The following MROH1 variants were observed in gnomAD, a reference collection of about 807,000 sequenced individuals.
MROH1 encodes maestro heat-like repeat-containing protein family member 1.
In MROH1, 117 loss-of-function variants were observed where a neutral mutation model predicts 116.5. The ratio of observed to expected loss-of-function variants is 1.00; its 90% CI spans 0.86 to 1.17. The LOEUF (loss-of-function observed/expected upper bound fraction) is 1.17, where lower values mean the gene tolerates loss of function less well. Ranked by LOEUF, MROH1 falls within the 50% of genes most tolerant of loss-of-function variation. The probability of loss-of-function intolerance (pLI) is 0.00; values close to 1 mark genes in which losing one functional copy is unlikely to be tolerated. For missense variants in MROH1, 1,873 were observed against 1,338.5 expected, an observed-to-expected ratio of 1.40 and a Z score of -6.23; for synonymous variants, 921 against 583.9, an observed-to-expected ratio of 1.58 and a Z score of -8.32.
intron 10 of MROH1, 151 bp from the exon 11 acceptor site, chr8:144,198,971 G>A (rs1189645367): frequency 2.9e-6 from 2 of 688,644 alleles, no homozygotes; most frequent in Non-Finnish European, 5.1e-6. Context: ...GCTTGGGTGA[G>A]AAAGAGCCTG....
Position 144,256,930 on chromosome 8 carries a change from A to G in MROH1, c.3791+1225A>G, listed in dbSNP as rs1843953795. On this transcript the variant is annotated intron_variant, in intron 35 of 43. Coordinates refer to ENST00000326134, the MANE Select transcript of MROH1 (RefSeq NM_032450.3). ...CCTTGCAGGGCTCGAGGCCTGGAGCAGGGTGTGGAGCTGGAGGCAGAGCTG... is the reference window on the plus strand; with the variant it reads ...CCTTGCAGGGCTCGAGGCCTGGAGCGGGGTGTGGAGCTGGAGGCAGAGCTG... Among the ~76,000 whole-genome samples the G allele has an allele frequency of 3.3e-5, 5 of 152,346 alleles. No individual in the cohort carries two copies. In the South Asian group the frequency reaches 1.0e-3, roughly 32 times the overall value.
intron 14 of MROH1, among the ~76,000 whole-genome samples, chr8:144,226,103 C>T (rs1349737306): frequency 6.6e-6 from 1 of 150,884 alleles, no homozygotes; most frequent in East Asian, 2.0e-4. Flanking sequence ...TTAGTAGAGA[C>T]AGGGTTTCAC....
At chr8:144,157,783 TCCTTCCA>T (rs1428622941) in intron 1 of MROH1, among the ~76,000 whole-genome samples, 4 of 150,446 alleles carry the variant, frequency 2.7e-5, no homozygotes, top group African/African-American at 9.8e-5. Context: ...GCTCACGTGG[TCCTTCCA>T]CCTCAGCCTC....
At chr8:144,257,070 A>G (rs991172985) in intron 35 of MROH1, among the ~76,000 whole-genome samples, 22 of 152,234 alleles carry the variant, frequency 1.4e-4, no homozygotes, top group African/African-American at 5.3e-4. Flanking sequence ...CCTGGCCTGT[A>G]TGTGTCAAGG....
At chr8:144,236,074 C>G (rs1839988896) in intron 14 of MROH1, among the ~76,000 whole-genome samples, 1 of 152,230 alleles carries the variant, frequency 6.6e-6, no homozygotes. Flanking sequence ...GTATAGGGTA[C>G]AGCCCAGACA....
chr8:144,258,924 C>A lies in MROH1; in HGVS notation c.3929+10C>A, dbSNP rs1588554860. 2 of 733,682 alleles carry A rather than the reference C, an allele frequency of 2.7e-6. No individual in the cohort carries two copies. The highest frequency in any genetic ancestry group is 5.1e-6 in the Non-Finnish European group (2 of 395,164). 45.4% of individuals were successfully genotyped at this position (733,682 alleles called of 1,614,324 possible). On this transcript the variant is annotated intron_variant, in intron 36 of 43. Transcript: ENST00000326134. ...CCACCAGGTTGGCCAGGTGAGCGGG[C>A]CCAGCCCACTGCAGCTCCAGCACTG...
rs1263071842 is a variant in MROH1, at chr8:144,248,979, G to A, written c.3223G>A (p.Val1075Ile). The change falls in exon 32 of 44, where the codon GTC (valine) becomes ATC (isoleucine). Residue 1075 changes from valine (V) to isoleucine (I), a missense_variant. Coordinates refer to ENST00000326134, the MANE Select transcript of MROH1 (RefSeq NM_032450.3). ...AAAGAACTGCTCCCGAGCAGCTACCGTCATGATCAACTGCCTGCTGCAGGA... is the reference window on the plus strand; with the variant it reads ...AAAGAACTGCTCCCGAGCAGCTACCATCATGATCAACTGCCTGCTGCAGGA... ...PEKNCSRAAT[V>I]MINCLLQERG... 4 of 734,578 alleles carry A rather than the reference G, an allele frequency of 5.4e-6. No homozygotes were observed. The highest frequency in any genetic ancestry group is 1.7e-5 in the African/African-American group (1 of 57,456). 45.5% of individuals were successfully genotyped at this position (734,578 alleles called of 1,614,324 possible). A position where few individuals can be genotyped will look rare whatever the true frequency, so the allele number is the denominator to read the frequency against.
rs1404984497 is a variant in MROH1, at chr8:144,215,842, C to T, written c.1142-4758C>T. On this transcript the variant is annotated intron_variant, in intron 12 of 43. Coordinates refer to ENST00000326134, the MANE Select transcript of MROH1 (RefSeq NM_032450.3). ...GAGCCAAGATTGTGCCATTGCACTCCAGCCTGGGTGATAGAGCGAGACTCT... is the reference window on the plus strand; with the variant it reads ...GAGCCAAGATTGTGCCATTGCACTCTAGCCTGGGTGATAGAGCGAGACTCT... Among the ~76,000 whole-genome samples the T allele has an allele frequency of 2.7e-5, 4 of 147,726 alleles. No homozygotes were observed. In the East Asian group the frequency reaches 8.1e-4, roughly 30 times the overall value.
intron 32 of MROH1, among the ~76,000 whole-genome samples, chr8:144,249,302 G>A (rs964792325): frequency 2.6e-5 from 4 of 151,662 alleles, no homozygotes; most frequent in Admixed American, 6.6e-5. Flanking sequence ...AACAAGTGCT[G>A]AGAGAATAAG....
At chr8:144,225,403 G>C (rs556951694) in intron 14 of MROH1, among the ~76,000 whole-genome samples, 20 of 152,220 alleles carry the variant, frequency 1.3e-4, no homozygotes, top group Admixed American at 4.6e-4. Flanking sequence ...TCTTGGCCTT[G>C]AGTGATTTGC....
Position 144,248,993 on chromosome 8 carries a change from C to T in MROH1, c.3237C>T (p.Cys1079=). 4.1e-6 allele frequency: 3 copies of T among 727,146 alleles called. No individual in the cohort carries two copies. The highest frequency in any genetic ancestry group is 1.5e-5 in the South Asian group (1 of 68,242). 45.0% of individuals were successfully genotyped at this position (727,146 alleles called of 1,614,324 possible). A position where few individuals can be genotyped will look rare whatever the true frequency, so the allele number is the denominator to read the frequency against. Residue 1079 remains cysteine (C), a synonymous_variant, in exon 32 of 44, where the codon TGC becomes TGT. Coordinates refer to ENST00000326134, the MANE Select transcript of MROH1 (RefSeq NM_032450.3). The part of the protein sequence containing the change: ...CSRAATVMIN[C]LLQERGGVLQ... ...GAGCAGCTACCGTCATGATCAACTGCCTGCTGCAGGAGCGGGGCGGTGTGC... is the reference window on the plus strand; with the variant it reads ...GAGCAGCTACCGTCATGATCAACTGTCTGCTGCAGGAGCGGGGCGGTGTGC...
intron 12 of MROH1, among the ~76,000 whole-genome samples, chr8:144,207,825 T>G (rs995165334): frequency 6.6e-6 from 1 of 152,236 alleles, no homozygotes; most frequent in African/African-American, 2.4e-5. Context: ...AAGATATTCT[T>G]CTATATTTTC....
intron 12 of MROH1, among the ~76,000 whole-genome samples, chr8:144,210,040 C>T (rs566981095): frequency 6.6e-6 from 1 of 152,196 alleles, no homozygotes; most frequent in African/African-American, 2.4e-5. Flanking sequence ...CGAGACGCCC[C>T]TCCTTGCATC....
intron 12 of MROH1, among the ~76,000 whole-genome samples, chr8:144,210,684 GTCTCTCTCTC>G (rs58517848): frequency 2.0e-5 from 3 of 151,406 alleles, no homozygotes; most frequent in South Asian, 2.1e-4. Flanking sequence ...TGGAGACTCT[GTCTCTCTCTC>G]TCTCTCTATC....
chr8:144,234,889 TTC>T (rs1394703985), intron 14 of MROH1, among the ~76,000 whole-genome samples: 6 of 108,534 alleles, frequency 5.5e-5, no homozygotes, highest in Non-Finnish European at 7.8e-5. Context: ...TCCTTTTTCT[TTC>T]TTTTTTTTTT....
intron 18 of MROH1, 92 bp downstream of exon 18, chr8:144,239,847 G>A (rs962389602): frequency 4.3e-6 from 3 of 696,932 alleles, no homozygotes; most frequent in African/African-American, 1.8e-5. Context: ...CCTTTGCCAA[G>A]TGGCACTAGG....
intron 20 of MROH1, 139 bp from the exon 21 acceptor site, chr8:144,240,853 C>T (rs998722217): frequency 1.9e-5 from 13 of 686,974 alleles, no homozygotes; most frequent in Non-Finnish European, 3.2e-5. Flanking sequence ...GCTTATTCCT[C>T]AGATGTTGCC....
At chr8:144,159,167 G>C (rs1004675069) in intron 1 of MROH1, among the ~76,000 whole-genome samples, 7 of 152,180 alleles carry the variant, frequency 4.6e-5, no homozygotes, top group Non-Finnish European at 1.0e-4. Flanking sequence ...AGACCAGCCT[G>C]GCCAATGTGG....
chr8:144,232,057 G>A (rs1052389892), intron 14 of MROH1, among the ~76,000 whole-genome samples: 1 of 152,136 alleles, frequency 6.6e-6, no homozygotes, highest in South Asian at 2.1e-4. Flanking sequence ...CCTTTCTAGC[G>A]ATTTGGAAAT....
Sources: allele counts gnomAD v4.1 joint callset (sites outside exome capture counted in the v4.1 genomes callset), GRCh38; gene constraint gnomAD v4.1.1; transcripts MANE v1.5; gene names NCBI Gene and HGNC (gene_info 2026-07-23, HGNC 2026-07-21).